SORCS2: variants seen among roughly 807,000 people sequenced by gnomAD.
The protein encoded by SORCS2 is VPS10 domain-containing receptor SorCS2.
Under a neutral mutation model 141.6 loss-of-function variants are expected in SORCS2, and 100 were observed. The ratio of observed to expected loss-of-function variants is 0.71; its 90% CI spans 0.60 to 0.83. The LOEUF is 0.83. Ranked by LOEUF, SORCS2 falls within the 40% of genes least tolerant of loss-of-function variation. The pLI, the probability that SORCS2 is intolerant of heterozygous loss-of-function variation, is 0.00. For missense variants in SORCS2, 1,646 were observed against 1,560.2 expected, an observed-to-expected ratio of 1.05 and a Z score of -0.93; for synonymous variants, 789 against 676.9, an observed-to-expected ratio of 1.17 and a Z score of -2.57.
chr4:7,499,124 A>C (rs914326274), intron 2 of SORCS2, among the ~76,000 whole-genome samples: 1 of 150,474 alleles, frequency 6.6e-6, no homozygotes, highest in Non-Finnish European at 1.5e-5. Flanking sequence ...TTTGTGTCTG[A>C]GTGTGTATGA....
At chr4:7,255,200 C>T (rs1234414193) in intron 1 of SORCS2, among the ~76,000 whole-genome samples, 2 of 151,930 alleles carry the variant, frequency 1.3e-5, no homozygotes, top group Non-Finnish European at 2.9e-5. Context: ...GTGACAGTCC[C>T]ATGCAGAAGA....
chr4:7,334,510 C>T (rs1719867228), intron 1 of SORCS2, among the ~76,000 whole-genome samples: 1 of 152,182 alleles, frequency 6.6e-6, no homozygotes, highest in Non-Finnish European at 1.5e-5. Context: ...GAACCTGACA[C>T]CTGGGGGGTG....
intron 1 of SORCS2, among the ~76,000 whole-genome samples, chr4:7,364,377 A>G (rs1297909523): frequency 2.0e-5 from 3 of 152,144 alleles, no homozygotes; most frequent in African/African-American, 4.8e-5. Flanking sequence ...GTTTCTCTCA[A>G]TGTGATAGAA....
intron 11 of SORCS2, among the ~76,000 whole-genome samples, chr4:7,696,441 C>G (rs1282081359): frequency 6.6e-6 from 1 of 152,196 alleles, no homozygotes; most frequent in Non-Finnish European, 1.5e-5. Context: ...GGTGCTTGTG[C>G]TGTTATGCAC....
At chr4:7,724,065 T>G (rs560945147) in intron 19 of SORCS2, among the ~76,000 whole-genome samples, 182 bp downstream of exon 19, 24 of 151,892 alleles carry the variant, frequency 1.6e-4, no homozygotes, top group African/African-American at 5.3e-4. Flanking sequence ...ACCCATACAA[T>G]AGTAGGGCAG....
intron 1 of SORCS2, among the ~76,000 whole-genome samples, chr4:7,348,376 G>T (rs1424546519): frequency 6.6e-6 from 1 of 152,198 alleles, no homozygotes; most frequent in Non-Finnish European, 1.5e-5. Context: ...TGCTGTGTCG[G>T]ACACCGCTCT....
intron 1 of SORCS2, among the ~76,000 whole-genome samples, chr4:7,284,418 C>T (rs988185157): frequency 4.6e-5 from 7 of 152,222 alleles, no homozygotes; most frequent in African/African-American, 1.7e-4. Flanking sequence ...CTGTGCACAG[C>T]CTTCAGTACA....
intron 2 of SORCS2, among the ~76,000 whole-genome samples, chr4:7,416,622 A>T (rs1188380451): frequency 2.6e-5 from 4 of 152,048 alleles, no homozygotes; most frequent in South Asian, 4.1e-4. Flanking sequence ...AGACACGCAT[A>T]TGGACACATT....
chr4:7,209,254 C>T (rs751179714), intron 1 of SORCS2, among the ~76,000 whole-genome samples: 7 of 152,308 alleles, frequency 4.6e-5, no homozygotes, highest in Middle Eastern at 3.4e-3. Context: ...CCCGAGAGCA[C>T]GCCCCGCCCC....
intron 17 of SORCS2, among the ~76,000 whole-genome samples, chr4:7,716,231 AT>A (rs1472437780): frequency 1.3e-5 from 2 of 152,132 alleles, no homozygotes; most frequent in Non-Finnish European, 2.9e-5. Flanking sequence ...GAAAATCCCC[AT>A]TACTTCCCCT....
chr4:7,586,039 A>T (rs1257188324), intron 3 of SORCS2, among the ~76,000 whole-genome samples: 2 of 151,846 alleles, frequency 1.3e-5, no homozygotes, highest in African/African-American at 4.8e-5. Context: ...TTTCATGTTG[A>T]CCTTGTCTTG....
intron 1 of SORCS2, among the ~76,000 whole-genome samples, chr4:7,293,817 G>C (rs1716773786): frequency 6.6e-6 from 1 of 152,160 alleles, no homozygotes; most frequent in Non-Finnish European, 1.5e-5. Flanking sequence ...GCCTGCATTG[G>C]CTTCTTCCAA....
rs200716280 is a variant in SORCS2 at position 7,394,183 on chromosome 4, GT to G, written c.481-2104del. 4.8e-3 allele frequency among the ~76,000 whole-genome samples: 734 copies of G among 152,226 alleles called. 5 individuals are homozygous for G. The highest frequency in any genetic ancestry group is 0.017 in the African/African-American group (696 of 41,526). On this transcript the variant is annotated intron_variant, in intron 1 of 26. Coordinates refer to ENST00000507866, the MANE Select transcript of SORCS2 (RefSeq NM_020777.3). Reference sequence around the variant, plus strand: ...GAAGGAGTGCGGTGGTGGTGGGGAGGTGGGCACTGGCCTCTGCCCGACTTCA... The same window carrying G: ...GAAGGAGTGCGGTGGTGGTGGGGAGGGGGCACTGGCCTCTGCCCGACTTCA...
At chr4:7,734,418 G>C in intron 25 of SORCS2, 44 bp downstream of exon 25, 1 of 1,370,918 alleles carries the variant, frequency 7.3e-7, no homozygotes, top group Non-Finnish European at 9.8e-7. Flanking sequence ...CTGACCATGG[G>C]GCCGTAGGAA....
chr4:7,699,952 T>C (rs938339846), intron 12 of SORCS2, among the ~76,000 whole-genome samples: 1 of 152,160 alleles, frequency 6.6e-6, no homozygotes, highest in Non-Finnish European at 1.5e-5. Context: ...CGAGGAATCT[T>C]CTGAAAGGGA....
At chr4:7,726,437 G>A (rs1251645450) in intron 20 of SORCS2, among the ~76,000 whole-genome samples, 3 of 152,136 alleles carry the variant, frequency 2.0e-5, no homozygotes, top group Non-Finnish European at 4.4e-5. Context: ...GCTGGGCATG[G>A]GGGTGCATAC....
At chr4:7,458,476 G>T (rs953390405) in intron 2 of SORCS2, among the ~76,000 whole-genome samples, 7 of 152,092 alleles carry the variant, frequency 4.6e-5, no homozygotes, top group African/African-American at 1.4e-4. Context: ...TTCCCCCATG[G>T]TCCCCATTCC....
chr4:7,354,829 A>G (rs12507567), intron 1 of SORCS2, among the ~76,000 whole-genome samples: 3,497 of 152,252 alleles, frequency 0.023, 48 homozygotes, highest in Middle Eastern at 0.054. Context: ...TGAAACCCAG[A>G]CTTGACATAA....
intron 2 of SORCS2, among the ~76,000 whole-genome samples, chr4:7,473,284 G>C (rs1730091180): frequency 6.6e-6 from 1 of 152,116 alleles, no homozygotes; most frequent in African/African-American, 2.4e-5. Flanking sequence ...CATGCGGGAG[G>C]GGCTGAGAGG....
Sources: gnomAD v4.1 joint callset for allele counts (sites outside exome capture counted in the v4.1 genomes callset) on GRCh38, gnomAD v4.1.1 for gene constraint, MANE v1.5 for transcripts, NCBI Gene and HGNC (gene_info 2026-07-23, HGNC 2026-07-21) for gene names.